The following RCN2 variants were observed in gnomAD, a reference collection of about 807,000 sequenced individuals.
RCN2 encodes the protein reticulocalbin-2.
Under a neutral mutation model 37.5 loss-of-function variants are expected in RCN2, and 23 were observed. The observed-to-expected ratio is 0.61, with a 90% CI of 0.44 to 0.87. The LOEUF (loss-of-function observed/expected upper bound fraction) is 0.87. Among genes scored for constraint, RCN2 ranks in the 40% least tolerant of loss-of-function variants. RCN2 has a pLI of 0.00. For missense variants in RCN2, 381 were observed against 390.4 expected, an observed-to-expected ratio of 0.98 and a Z score of 0.20; for synonymous variants, 140 against 144.6, an observed-to-expected ratio of 0.97 and a Z score of 0.23.
At chr15:76,945,234 G>A (rs2075292287) in intron 4 of RCN2, among the ~76,000 whole-genome samples, 2 of 152,134 alleles carry the variant, frequency 1.3e-5, no homozygotes, top group Non-Finnish European at 2.9e-5. Context: ...TCTCATAACT[G>A]TGTTACCTTC....
intron 3 of RCN2, among the ~76,000 whole-genome samples, 190 bp downstream of exon 3, chr15:76,935,912 T>C (rs140590619): frequency 5.3e-5 from 8 of 152,354 alleles, no homozygotes; most frequent in African/African-American, 1.9e-4. Flanking sequence ...TATTCTAAAT[T>C]ACCTACATGA....
rs1479365113 is a variant in RCN2 at position 76,948,519 on chromosome 15, A to G, written c.768A>G (p.Val256=). 3 of 1,601,014 alleles carry G rather than the reference A, an allele frequency of 1.9e-6. No individual in the cohort carries two copies. Among genetic ancestry groups the G allele is most frequent in the Non-Finnish European group, 8.5e-7 (1 of 1,172,562 alleles). The change falls in exon 6 of 7, where the codon GTA becomes GTG. Residue 256 remains valine, a synonymous_variant. Transcript: ENST00000394885. ...ATCCCCAAGAGCTGTTACCTTGGGTAGTACCTAATAATCAGGGCATTGCAC... is the reference window on the plus strand; with the variant it reads ...ATCCCCAAGAGCTGTTACCTTGGGTGGTACCTAATAATCAGGGCATTGCAC... ...RLDPQELLPW[V]VPNNQGIAQE... is the part of the protein sequence containing the mutation.
rs2075339721 is a variant in RCN2, at chr15:76,954,326, A to G, written c.*5104A>G. 1 of 152,170 alleles carries G rather than the reference A, an allele frequency of 6.6e-6. No homozygotes were observed. The highest frequency in any genetic ancestry group is 2.1e-4 in the South Asian group (1 of 4,834). 9.4% of individuals were successfully genotyped at this position (152,170 alleles called of 1,614,324 possible). A position where few individuals can be genotyped will look rare whatever the true frequency, so the allele number is the denominator to read the frequency against. On this transcript the variant is annotated 3_prime_UTR_variant, in exon 7 of 7. Coordinates refer to ENST00000394885, the MANE Select transcript of RCN2 (RefSeq NM_002902.3). The stretch of plus-strand genomic sequence containing the variant: ...AAAGCCACTTAGAGTAAAAGTTTTT[A>G]AACAACTGTAAAAACTAATTTGCTT...
chr15:76,951,543 A>AT lies in RCN2; in HGVS notation c.*2324dup, dbSNP rs1309433602. 1.3e-5 allele frequency: 2 copies of AT among 152,322 alleles called. No individual in the cohort carries two copies. The highest frequency in any genetic ancestry group is 3.9e-4 in the East Asian group (2 of 5,194). The allele number at this position is 152,322 out of a possible 1,614,324, so 9.4% of individuals were successfully genotyped here. A position where few individuals can be genotyped will look rare whatever the true frequency, so the allele number is the denominator to read the frequency against. ...CCCATCCTGCTGTGACTGAGTGAAGATTTCACATTTAACAATAGGCTTTTA... is the reference window on the plus strand; with the variant it reads ...CCCATCCTGCTGTGACTGAGTGAAGATTTTCACATTTAACAATAGGCTTTTA... On this transcript the variant is annotated 3_prime_UTR_variant, in exon 7 of 7. Transcript: ENST00000394885.
chr15:76,948,483 T>C lies in RCN2; in HGVS notation c.732T>C (p.Asp244=), dbSNP rs753854459. ...TGAATGATTATGACAAAGATAACGA[T>C]GGCAGGCTTGATCCCCAAGAGCTGT... ...RFVNDYDKDN[D]GRLDPQELLP... The change falls in exon 6 of 7, where the codon GAT becomes GAC. Residue 244 remains aspartate (D), a synonymous_variant. Coordinates refer to ENST00000394885, the MANE Select transcript of RCN2 (RefSeq NM_002902.3). The C allele has an allele frequency of 3.1e-6, 5 of 1,610,112 alleles. No homozygotes were observed. In the East Asian group the frequency reaches 6.7e-5, roughly 22 times the overall value.
chr15:76,948,514 T>TG lies in RCN2; in HGVS notation c.766dup (p.Val256GlyfsTer4). 6.2e-7 allele frequency: 1 copy of TG among 1,603,542 alleles called. No individual in the cohort carries two copies. Among genetic ancestry groups the TG allele is most frequent in the Non-Finnish European group, 8.5e-7 (1 of 1,173,930 alleles). On this transcript the variant is annotated frameshift_variant, in exon 6 of 7. Transcript: ENST00000394885. The stretch of plus-strand genomic sequence containing the variant: ...GCTTGATCCCCAAGAGCTGTTACCT[T>TG]GGGTAGTACCTAATAATCAGGGCAT...
At chr15:76,948,579 C>T (rs1394315979) in intron 6 of RCN2, 27 bp downstream of exon 6, 2 of 1,491,534 alleles carry the variant, frequency 1.3e-6, no homozygotes, top group East Asian at 4.8e-5. Flanking sequence ...AACTGTTTCT[C>T]TCCACCCCCT....
chr15:76,944,969 G>A (rs997097647), intron 4 of RCN2, among the ~76,000 whole-genome samples: 3 of 152,144 alleles, frequency 2.0e-5, no homozygotes, highest in African/African-American at 7.2e-5. Flanking sequence ...TCTCCATAGT[G>A]GTTGTATGAA....
chr15:76,935,422 T>G, intron 2 of RCN2, 104 bp from the exon 3 acceptor site: 2 of 804,966 alleles, frequency 2.5e-6, no homozygotes, highest in Non-Finnish European at 4.1e-6. Flanking sequence ...TCTCAGTATT[T>G]GCAAACATCA....
chr15:76,940,514 T>A (rs2075272306), intron 3 of RCN2, among the ~76,000 whole-genome samples: 1 of 151,102 alleles, frequency 6.6e-6, no homozygotes. Flanking sequence ...CTGTTATAAC[T>A]GACGAAAGTC....
rs535659789 is a variant in RCN2 at position 76,952,841 on chromosome 15, A to G, written c.*3619A>G. On this transcript the variant is annotated 3_prime_UTR_variant, in exon 7 of 7. Transcript: ENST00000394885. Reference sequence around the variant, plus strand: ...ACCATGTTGGTCAAGCTGGTCTCGAACTCCTGATCTCAGGTGATCCACCTG... The same window carrying G: ...ACCATGTTGGTCAAGCTGGTCTCGAGCTCCTGATCTCAGGTGATCCACCTG... The G allele has an allele frequency of 2.0e-5, 3 of 151,752 alleles. No homozygotes were observed. Among genetic ancestry groups the G allele is most frequent in the Non-Finnish European group, 4.4e-5 (3 of 67,982 alleles). 9.4% of individuals were successfully genotyped at this position (151,752 alleles called of 1,614,324 possible). A position where few individuals can be genotyped will look rare whatever the true frequency, so the allele number is the denominator to read the frequency against.
In RCN2 at chr15:76,949,312, C is replaced by A; in HGVS notation, c.*90C>A. ...GATAAAATATTGATGTTGTATTTTA[C>A]ACTCTTAAGTCTTAACCACAGTCAG... On this transcript the variant is annotated 3_prime_UTR_variant, in exon 7 of 7. Coordinates refer to ENST00000394885, the MANE Select transcript of RCN2 (RefSeq NM_002902.3). 1.1e-6 allele frequency: 1 copy of A among 933,514 alleles called. No individual in the cohort carries two copies. Among genetic ancestry groups the A allele is most frequent in the Non-Finnish European group, 1.5e-6 (1 of 661,456 alleles). 57.8% of individuals were successfully genotyped at this position (933,514 alleles called of 1,614,324 possible).
At chr15:76,932,273 G>A (rs2075227151) in intron 1 of RCN2, 88 bp from the exon 2 acceptor site, 2 of 1,046,086 alleles carry the variant, frequency 1.9e-6, no homozygotes, top group Non-Finnish European at 2.9e-6. Context: ...CTTTGGCAAG[G>A]GGGTCTTCTA....
At position 76,951,946 on chromosome 15, in the gene RCN2, G is replaced by A. The variant is rs1355022141; in HGVS notation, c.*2724G>A. On this transcript the variant is annotated 3_prime_UTR_variant, in exon 7 of 7. Transcript: ENST00000394885. ...TCTAGATTATGATATAAATTTAAAG[G>A]AAGCCAGGACGTTCAGAGGAAAAGC... is the stretch of plus-strand genomic sequence containing the variant. 6.6e-6 allele frequency: 1 copy of A among 151,934 alleles called. No homozygotes were observed. Among genetic ancestry groups the A allele is most frequent in the African/African-American group, 2.4e-5 (1 of 41,384 alleles). 9.4% of individuals were successfully genotyped at this position (151,934 alleles called of 1,614,324 possible).
intron 3 of RCN2, among the ~76,000 whole-genome samples, chr15:76,939,071 A>G (rs1051610170): frequency 6.6e-6 from 1 of 152,080 alleles, no homozygotes; most frequent in Non-Finnish European, 1.5e-5. Context: ...ATGCCCAAAC[A>G]AAATTTAAAA....
chr15:76,952,966 T>G lies in RCN2; in HGVS notation c.*3744T>G, dbSNP rs1216765348. 1 of 150,398 alleles carries G rather than the reference T, an allele frequency of 6.6e-6. No homozygotes were observed. The highest frequency in any genetic ancestry group is 2.5e-5 in the African/African-American group (1 of 40,502). 9.3% of individuals were successfully genotyped at this position (150,398 alleles called of 1,614,324 possible). On this transcript the variant is annotated 3_prime_UTR_variant, in exon 7 of 7. Coordinates refer to ENST00000394885, the MANE Select transcript of RCN2 (RefSeq NM_002902.3). Reference sequence around the variant, plus strand: ...TTTCTTTTTTGAGACGGAGTCTCACTCTTGTCATCCAGGCTGGAGTGCAGT... The same window carrying G: ...TTTCTTTTTTGAGACGGAGTCTCACGCTTGTCATCCAGGCTGGAGTGCAGT...
Position 76,950,240 on chromosome 15 carries a change from T to G in RCN2, c.*1018T>G, listed in dbSNP as rs1006733480. The G allele has an allele frequency of 6.6e-6, 1 of 152,140 alleles. No homozygotes were observed. Among genetic ancestry groups the G allele is most frequent in the Admixed American group, 6.6e-5 (1 of 15,254 alleles). The allele number at this position is 152,140 out of a possible 1,614,324, so 9.4% of individuals were successfully genotyped here. On this transcript the variant is annotated 3_prime_UTR_variant, in exon 7 of 7. Transcript: ENST00000394885. ...AGCTCAGTATCAATTTTACTGAAAT[T>G]AAAATCATACTTGATAAGCATGATA...
intron 4 of RCN2, 113 bp downstream of exon 4, chr15:76,943,984 C>CTTTT (rs11361216): frequency 6.2e-5 from 6 of 96,378 alleles, no homozygotes; most frequent in Admixed American, 1.7e-4. Flanking sequence ...ATACATGAGA[C>CTTTT]TTTTTTTTTT....
intron 3 of RCN2, among the ~76,000 whole-genome samples, chr15:76,938,527 A>T (rs961706968): frequency 1.3e-5 from 2 of 152,202 alleles, no homozygotes; most frequent in African/African-American, 4.8e-5. Flanking sequence ...TGTTAAGTAC[A>T]TTCACAGTGT....
Sources: gnomAD v4.1 joint callset for allele counts (sites outside exome capture counted in the v4.1 genomes callset) on GRCh38, gnomAD v4.1.1 for gene constraint, MANE v1.5 for transcripts, NCBI Gene and HGNC (gene_info 2026-07-23, HGNC 2026-07-21) for gene names.